The following CD2AP variants were observed in gnomAD, a reference collection of about 807,000 sequenced individuals.
The protein encoded by CD2AP is CD2-associated protein.
CD2AP carries 46 observed loss-of-function variants against 85.1 expected under a neutral mutation model. The observed-to-expected ratio is 0.54, with a 90% CI of 0.43 to 0.69. The LOEUF (loss-of-function observed/expected upper bound fraction) is 0.69, where lower values mean the gene tolerates loss of function less well. Among genes scored for constraint, CD2AP ranks in the 30% least tolerant of loss-of-function variants. The pLI, the probability that CD2AP is intolerant of heterozygous loss-of-function variation, is 0.00. For synonymous variants in CD2AP, 255 were observed against 252.9 expected, an observed-to-expected ratio of 1.01 and a Z score of -0.08; for missense variants, 769 against 729.5, an observed-to-expected ratio of 1.05 and a Z score of -0.62.
At chr6:47,585,998 A>G (rs761934194) in intron 11 of CD2AP, among the ~76,000 whole-genome samples, 20 of 152,196 alleles carry the variant, frequency 1.3e-4, no homozygotes, top group Non-Finnish European at 2.8e-4. Context: ...GAGAGTAAAA[A>G]TCACGGCGTC....
chr6:47,502,618 C>T (rs749331777), intron 1 of CD2AP, among the ~76,000 whole-genome samples: 3 of 151,912 alleles, frequency 2.0e-5, no homozygotes, highest in African/African-American at 4.8e-5. Context: ...CTCAGCCTCC[C>T]GAGTAGCTGG....
At chr6:47,496,098 T>G (rs1765851064) in intron 1 of CD2AP, among the ~76,000 whole-genome samples, 1 of 152,222 alleles carries the variant, frequency 6.6e-6, no homozygotes, top group Non-Finnish European at 1.5e-5. Context: ...TACTTCATAT[T>G]TAATCTTTTT....
rs1768605462 is a variant in CD2AP at position 47,585,610 on chromosome 6, G to A, written c.1108+3545G>A. ...GATGCAGAGATAGGTATTTAGGAAG[G>A]CCCGGGCAGCTACAATTTGTGGGGC... On this transcript the variant is annotated intron_variant, in intron 11 of 17. Coordinates refer to ENST00000359314, the MANE Select transcript of CD2AP (RefSeq NM_012120.3). 2.6e-5 allele frequency among the ~76,000 whole-genome samples: 4 copies of A among 152,130 alleles called. No homozygotes were observed. The South Asian group carries it at 8.3e-4, about 32-fold the overall frequency.
At chr6:47,619,739 T>C (rs1175003211) in intron 17 of CD2AP, among the ~76,000 whole-genome samples, 1 of 152,210 alleles carries the variant, frequency 6.6e-6, no homozygotes, top group Non-Finnish European at 1.5e-5. Flanking sequence ...CTACTGTTTT[T>C]TGATTTTTTG....
At chr6:47,534,458 G>T (rs1024936666) in intron 3 of CD2AP, among the ~76,000 whole-genome samples, 1 of 152,172 alleles carries the variant, frequency 6.6e-6, no homozygotes, top group South Asian at 2.1e-4. Context: ...TGTAATCCCA[G>T]CACTTTGGGA....
chr6:47,509,932 GTTCTC>G (rs1766270600), intron 2 of CD2AP, among the ~76,000 whole-genome samples: 1 of 152,056 alleles, frequency 6.6e-6, no homozygotes, highest in African/African-American at 2.4e-5. Context: ...CATTTATATA[GTTCTC>G]TTGAGTGTAT....
intron 2 of CD2AP, among the ~76,000 whole-genome samples, chr6:47,532,438 G>A (rs1205598187): frequency 1.4e-5 from 2 of 148,050 alleles, no homozygotes; most frequent in African/African-American, 5.0e-5. Flanking sequence ...GCCATATCAA[G>A]TTAAAATTGT....
Position 47,599,445 on chromosome 6 carries a change from T to TAAGAAA in CD2AP, c.1417+5_1417+6insAAAAAG, listed in dbSNP as rs1443556453. On this transcript the variant is annotated splice_region_variant and intron_variant, in intron 13 of 17. Transcript: ENST00000359314. ...CAGTAAGGACCTCCAAAGAAACAGG[T>TAAGAAA]AAGTCAGCATGGACAGCGGTGGTGC... The TAAGAAA allele has an allele frequency of 1.2e-6, 2 of 1,611,440 alleles. No individual in the cohort carries two copies. Among genetic ancestry groups the TAAGAAA allele is most frequent in the East Asian group, 4.5e-5 (2 of 44,674 alleles).
In CD2AP at chr6:47,610,971, A is replaced by ATATATATATATAT; in HGVS notation, c.1815-1501_1815-1500insATATATATATATT. ...GATTTATATATATATATATATATGT[A>ATATATATATATAT]TTTTTTTTTTTTTTTGAATATAAAA... On this transcript the variant is annotated intron_variant, in intron 16 of 17. Transcript: ENST00000359314. Among the ~76,000 whole-genome samples, 845 of 112,728 alleles carry ATATATATATATAT rather than the reference A, an allele frequency of 7.5e-3. 13 individuals are homozygous for ATATATATATATAT. Among genetic ancestry groups the ATATATATATATAT allele is most frequent in the Non-Finnish European group, 9.4e-3 (523 of 55,836 alleles). 74.0% of individuals were successfully genotyped at this position (112,728 alleles called of 152,430 possible).
chr6:47,532,376 TACACACAC>T (rs10522555), intron 2 of CD2AP, among the ~76,000 whole-genome samples: 7,145 of 141,942 alleles, frequency 0.05, 211 homozygotes, highest in Non-Finnish European at 0.067. Flanking sequence ...TATATATGTA[TACACACAC>T]ACACACACAC....
chr6:47,562,011 A>C (rs1052131039), intron 5 of CD2AP, among the ~76,000 whole-genome samples: 16 of 152,054 alleles, frequency 1.1e-4, no homozygotes, highest in African/African-American at 3.6e-4. Flanking sequence ...TGATCCGCCC[A>C]CCTCGGCCTC....
chr6:47,576,081 T>C (rs771216980), intron 6 of CD2AP, among the ~76,000 whole-genome samples: 2 of 152,160 alleles, frequency 1.3e-5, no homozygotes, highest in Non-Finnish European at 2.9e-5. Flanking sequence ...ATTTGTTTTA[T>C]TGTAGTTTTT....
chr6:47,553,750 T>A (rs1767597178), intron 4 of CD2AP, among the ~76,000 whole-genome samples: 1 of 152,064 alleles, frequency 6.6e-6, no homozygotes, highest in Non-Finnish European at 1.5e-5. Flanking sequence ...TATTAAAAAT[T>A]TCATAGAAAT....
At chr6:47,555,589 A>G (rs1767660099) in intron 5 of CD2AP, among the ~76,000 whole-genome samples, 1 of 152,192 alleles carries the variant, frequency 6.6e-6, no homozygotes, top group African/African-American at 2.4e-5. Context: ...AATATATGAA[A>G]ACTAAATATT....
intron 2 of CD2AP, among the ~76,000 whole-genome samples, chr6:47,516,296 T>C (rs2114000611): frequency 6.6e-6 from 1 of 152,330 alleles, no homozygotes; most frequent in African/African-American, 2.4e-5. Flanking sequence ...CATTGTCAAT[T>C]TGTGCTTTTG....
In CD2AP at chr6:47,626,720, TC is replaced by T. The variant is rs1335802721; in HGVS notation, c.*2494del. 6.6e-6 allele frequency: 1 copy of T among 152,430 alleles called. No individual in the cohort carries two copies. Among genetic ancestry groups the T allele is most frequent in the Admixed American group, 6.5e-5 (1 of 15,270 alleles). The allele number at this position is 152,430 out of a possible 1,614,324, so 9.4% of individuals were successfully genotyped here. A position where few individuals can be genotyped will look rare whatever the true frequency, so the allele number is the denominator to read the frequency against. On this transcript the variant is annotated 3_prime_UTR_variant, in exon 18 of 18. Coordinates refer to ENST00000359314, the MANE Select transcript of CD2AP (RefSeq NM_012120.3). ...CTCTTTTTTATGCTCCTTACTGTGA[TC>T]ACAGAAAAATTAAAAATCCAAGTGC... is the stretch of plus-strand genomic sequence containing the variant.
At chr6:47,549,460 CAAAAAA>C (rs67626138) in intron 4 of CD2AP, among the ~76,000 whole-genome samples, 1 of 110,694 alleles carries the variant, frequency 9.0e-6, no homozygotes, top group South Asian at 3.3e-4. Context: ...ACAATAGCTG[CAAAAAA>C]AAAAAAAAAA....
At chr6:47,538,125 T>TA (rs1166403535) in intron 3 of CD2AP, among the ~76,000 whole-genome samples, 247 of 152,284 alleles carry the variant, frequency 1.6e-3, no homozygotes, top group African/African-American at 5.7e-3. Flanking sequence ...GTAATGAATA[T>TA]TTCATTACAT....
intron 5 of CD2AP, among the ~76,000 whole-genome samples, chr6:47,570,823 C>T (rs926781690): frequency 6.6e-6 from 1 of 152,176 alleles, no homozygotes; most frequent in African/African-American, 2.4e-5. Context: ...AGTTCATATA[C>T]TTTACCGCTA....
Sources: allele counts gnomAD v4.1 joint callset (sites outside exome capture counted in the v4.1 genomes callset), GRCh38; gene constraint gnomAD v4.1.1; transcripts MANE v1.5; gene names NCBI Gene and HGNC (gene_info 2026-07-23, HGNC 2026-07-21).